LDLRAD4: variants seen among roughly 807,000 people sequenced by gnomAD.
LDLRAD4 encodes the protein low-density lipoprotein receptor class A domain-containing protein 4.
LDLRAD4 carries 5 observed loss-of-function variants against 17.0 expected under a neutral mutation model. The ratio of observed to expected loss-of-function variants is 0.29; its 90% CI spans 0.15 to 0.62. LDLRAD4 has a LOEUF of 0.62. Ranked by LOEUF, LDLRAD4 falls within the 20% of genes least tolerant of loss-of-function variation. The pLI is 0.84. For missense variants in LDLRAD4, 340 were observed against 424.7 expected (o/e 0.80, Z 1.75); for synonymous variants, 168 against 171.8 (o/e 0.98, Z 0.17).
intron 2 of LDLRAD4, among the ~76,000 whole-genome samples, chr18:13,412,781 A>T (rs576294766): frequency 1.3e-5 from 2 of 152,344 alleles, no homozygotes; most frequent in South Asian, 4.1e-4. Context: ...AGCACCCGGC[A>T]GCCAGTAGGC....
At chr18:13,612,637 C>A in intron 3 of LDLRAD4, 1 of 1,611,144 alleles carries the variant, frequency 6.2e-7, no homozygotes, top group Non-Finnish European at 8.5e-7. Flanking sequence ...TTGCCGGAAG[C>A]TGAAGGGATG....
At chr18:13,339,714 T>C (rs1041802024) in intron 1 of LDLRAD4, among the ~76,000 whole-genome samples, 1 of 152,146 alleles carries the variant, frequency 6.6e-6, no homozygotes. Context: ...TAAAAGGAGA[T>C]AAGAATTGAT....
intron 3 of LDLRAD4, among the ~76,000 whole-genome samples, chr18:13,473,716 T>C (rs1472981841): frequency 7.0e-6 from 1 of 141,868 alleles, no homozygotes; most frequent in African/African-American, 2.6e-5. Context: ...ATATACATAT[T>C]ATACAGGGGC....
intron 3 of LDLRAD4, among the ~76,000 whole-genome samples, chr18:13,589,530 G>T (rs2094981653): frequency 6.6e-6 from 1 of 152,200 alleles, no homozygotes; most frequent in African/African-American, 2.4e-5. Context: ...GTGTGTTCCT[G>T]GGATGGCTGT....
intron 1 of LDLRAD4, among the ~76,000 whole-genome samples, chr18:13,332,101 T>G (rs1599471165): frequency 6.6e-6 from 1 of 152,250 alleles, no homozygotes; most frequent in East Asian, 1.9e-4. Flanking sequence ...CTCTATTTCT[T>G]CCTGTGGAAT....
upstream of LDLRAD4, among the ~76,000 whole-genome samples, chr18:13,277,390 C>T (rs1015758137): frequency 1.3e-5 from 2 of 152,184 alleles, no homozygotes; most frequent in East Asian, 3.9e-4. Flanking sequence ...GAGGCGGTCA[C>T]CCGAGGATAC....
At chr18:13,626,673 A>G (rs2041197678) in intron 4 of LDLRAD4, among the ~76,000 whole-genome samples, 1 of 152,272 alleles carries the variant, frequency 6.6e-6, no homozygotes. Context: ...TCGATTGTGA[A>G]AATCCAGGTG....
chr18:13,643,801 GGT>G (rs1480893136), intron 5 of LDLRAD4, among the ~76,000 whole-genome samples: 1 of 152,160 alleles, frequency 6.6e-6, no homozygotes, highest in African/African-American at 2.4e-5. Flanking sequence ...TAAAAATATT[GGT>G]GTGAGAGAAA....
chr18:13,391,701 G>A (rs930173166), intron 2 of LDLRAD4, among the ~76,000 whole-genome samples: 6 of 152,040 alleles, frequency 3.9e-5, no homozygotes, highest in African/African-American at 1.4e-4. Context: ...TTTCCTACAC[G>A]CATCTTTGCC....
At chr18:13,615,858 T>C (rs1480022445) in intron 3 of LDLRAD4, 1 of 152,284 alleles carries the variant, frequency 6.6e-6, no homozygotes, top group Non-Finnish European at 1.5e-5. Flanking sequence ...TGCCCTGCTT[T>C]CTAGCACTCT....
chr18:13,445,364 AGTGT>A lies in LDLRAD4; in HGVS notation c.181+6986_181+6989del, dbSNP rs760998943. On this transcript the variant is annotated intron_variant, in intron 3 of 5. Coordinates refer to ENST00000359446, the Ensembl canonical transcript of LDLRAD4. ...GTGCACAAGTGTGTGGGTGTCAGAGAGTGTGTGTGAGTCTGGTGTGTGCATGCAT... is the reference window on the plus strand; with the variant it reads ...GTGCACAAGTGTGTGGGTGTCAGAGAGTGTGAGTCTGGTGTGTGCATGCAT... Among the ~76,000 whole-genome samples, 36 of 151,576 alleles carry A rather than the reference AGTGT, an allele frequency of 2.4e-4. 1 individual carries two copies. The Middle Eastern group carries it at 0.01, about 43-fold the overall frequency.
intron 3 of LDLRAD4, among the ~76,000 whole-genome samples, chr18:13,571,438 C>T (rs940968014): frequency 6.6e-6 from 1 of 152,138 alleles, no homozygotes; most frequent in African/African-American, 2.4e-5. Flanking sequence ...TACTAAGAAG[C>T]AAGCACTCTT....
At chr18:13,381,357 C>T (rs1025584926) in intron 1 of LDLRAD4, among the ~76,000 whole-genome samples, 7 of 152,196 alleles carry the variant, frequency 4.6e-5, no homozygotes, top group African/African-American at 1.2e-4. Flanking sequence ...CGTGAGGCAC[C>T]GTGCCCGCCC....
At chr18:13,391,394 T>C (rs2086265259) in intron 2 of LDLRAD4, among the ~76,000 whole-genome samples, 1 of 152,140 alleles carries the variant, frequency 6.6e-6, no homozygotes, top group South Asian at 2.1e-4. Flanking sequence ...GGAAGGCCCC[T>C]GTCCCCATGC....
intron 4 of LDLRAD4, among the ~76,000 whole-genome samples, chr18:13,626,902 C>T (rs866447506): frequency 1.7e-4 from 26 of 152,268 alleles, no homozygotes. Context: ...CTGCAGAAGC[C>T]ACAGAGTTAG....
chr18:13,288,902 C>G (rs1250251477), intron 1 of LDLRAD4, among the ~76,000 whole-genome samples: 1 of 152,254 alleles, frequency 6.6e-6, no homozygotes, highest in Non-Finnish European at 1.5e-5. Flanking sequence ...CCTGATATGA[C>G]TGTCCTACTT....
At chr18:13,247,122 C>T (rs1434298653) in intron 1 of LDLRAD4, among the ~76,000 whole-genome samples, 2 of 152,086 alleles carry the variant, frequency 1.3e-5, no homozygotes, top group Admixed American at 6.5e-5. Flanking sequence ...GCTTTAGGTG[C>T]CAGGAGGTAG....
intron 1 of LDLRAD4, among the ~76,000 whole-genome samples, chr18:13,231,813 A>G (rs2042092899): frequency 6.6e-6 from 1 of 152,238 alleles, no homozygotes; most frequent in African/African-American, 2.4e-5. Context: ...AGTATAATTA[A>G]TGGATTTGTT....
chr18:13,576,421 C>CAAAAA (rs60116058), intron 3 of LDLRAD4, among the ~76,000 whole-genome samples: 5 of 90,290 alleles, frequency 5.5e-5, no homozygotes, highest in South Asian at 3.7e-4. Context: ...GACTCTGTCT[C>CAAAAA]AAAAAAAAAA....
Sources: gnomAD v4.1 joint callset for allele counts (sites outside exome capture counted in the v4.1 genomes callset) on GRCh38, gnomAD v4.1.1 for gene constraint, MANE v1.5 for transcripts, NCBI Gene and HGNC (gene_info 2026-07-23, HGNC 2026-07-21) for gene names.